Variants in ADAMTSL1 observed in about 807,000 individuals in gnomAD.
ADAMTSL1 encodes the protein ADAMTS-like protein 1.
In ADAMTSL1, 126 loss-of-function variants were observed where a neutral mutation model predicts 201.8. That is an observed-to-expected ratio of 0.62 (90% CI 0.54 to 0.72). ADAMTSL1 has a LOEUF of 0.72. Ranked by LOEUF, ADAMTSL1 falls within the 30% of genes least tolerant of loss-of-function variation. The probability of loss-of-function intolerance (pLI) is 0.00; values close to 1 mark genes in which losing one functional copy is unlikely to be tolerated. For synonymous variants in ADAMTSL1, 1,121 were observed against 903.4 expected, an observed-to-expected ratio of 1.24 and a Z score of -4.32; for missense variants, 2,679 against 2,277.8, an observed-to-expected ratio of 1.18 and a Z score of -3.59.
chr9:18,289,176 C>CTAT (rs1563861628), intron 2 of ADAMTSL1, among the ~76,000 whole-genome samples: 37 of 43,214 alleles, frequency 8.6e-4, no homozygotes, highest in African/African-American at 2.5e-3. Flanking sequence ...TATCTATCTA[C>CTAT]CTACCTATCT....
intron 2 of ADAMTSL1, among the ~76,000 whole-genome samples, chr9:18,254,405 C>T (rs1831592962): frequency 8.2e-6 from 1 of 121,382 alleles, no homozygotes. Context: ...CTCTGTCCCC[C>T]AGGCTGGAGT....
chr9:18,750,630 A>C (rs1819417913), intron 15 of ADAMTSL1, among the ~76,000 whole-genome samples: 1 of 152,146 alleles, frequency 6.6e-6, no homozygotes. Context: ...AGAGGTATAT[A>C]CTTGTATTTG....
intron 2 of ADAMTSL1, among the ~76,000 whole-genome samples, chr9:18,250,390 G>C (rs1243211634): frequency 2.0e-5 from 3 of 152,166 alleles, no homozygotes; most frequent in East Asian, 1.9e-4. Flanking sequence ...ATATCTGGAG[G>C]GGTACCAGTG....
rs775254072 is a variant in ADAMTSL1, at chr9:18,681,934, A to G, written c.1464A>G (p.Val488=). 2.7e-5 allele frequency: 43 copies of G among 1,614,046 alleles called. No homozygotes were observed. Among genetic ancestry groups the G allele is most frequent in the Non-Finnish European group, 3.6e-5 (42 of 1,180,014 alleles). The change falls in exon 12 of 29, where the codon GTA becomes GTG. Residue 488 remains valine (V), a synonymous_variant. Coordinates refer to ENST00000380548, the MANE Select transcript of ADAMTSL1 (RefSeq NM_001040272.6). The part of the protein sequence containing the change: ...TKPHIKEECI[V]PTPCYKPKEK... ...CCCACATAAAAGAGGAATGCATCGT[A>G]CCCACTCCCTGCTATAAACCCAAAG...
At chr9:18,264,904 GC>G (rs1223031895) in intron 2 of ADAMTSL1, among the ~76,000 whole-genome samples, 3 of 152,144 alleles carry the variant, frequency 2.0e-5, no homozygotes, top group African/African-American at 7.2e-5. Context: ...ACCTTGCCAA[GC>G]CTTCATTTCT....
chr9:18,903,518 C>T (rs1048380083), intron 26 of ADAMTSL1, among the ~76,000 whole-genome samples: 10 of 152,180 alleles, frequency 6.6e-5, no homozygotes, highest in Non-Finnish European at 1.0e-4. Flanking sequence ...TATTTCTTCA[C>T]GTGTATACAG....
chr9:18,561,286 T>C (rs1016145761), intron 3 of ADAMTSL1, among the ~76,000 whole-genome samples: 5 of 152,368 alleles, frequency 3.3e-5, no homozygotes, highest in Middle Eastern at 3.4e-3. Context: ...AATTTCATTA[T>C]TTACCCAGTA....
At chr9:18,661,082 C>A (rs894519349) in intron 8 of ADAMTSL1, among the ~76,000 whole-genome samples, 1 of 152,074 alleles carries the variant, frequency 6.6e-6, no homozygotes, top group Non-Finnish European at 1.5e-5. Context: ...TTATTTTTCA[C>A]CCCGAGAATC....
At chr9:18,647,455 T>G (rs556317540) in intron 7 of ADAMTSL1, among the ~76,000 whole-genome samples, 1 of 152,288 alleles carries the variant, frequency 6.6e-6, no homozygotes. Context: ...CTCTTGCTTT[T>G]CTAGTTCTTT....
chr9:18,869,383 A>G (rs1294494918), intron 23 of ADAMTSL1, among the ~76,000 whole-genome samples: 1 of 152,230 alleles, frequency 6.6e-6, no homozygotes, highest in African/African-American at 2.4e-5. Flanking sequence ...CTCCAGGGAA[A>G]TTGCAGAGCT....
At chr9:18,705,434 G>A (rs751016118) in intron 13 of ADAMTSL1, among the ~76,000 whole-genome samples, 3 of 152,074 alleles carry the variant, frequency 2.0e-5, no homozygotes, top group South Asian at 2.1e-4. Flanking sequence ...TTATGGCCAC[G>A]GTTGATTAAT....
intron 16 of ADAMTSL1, among the ~76,000 whole-genome samples, chr9:18,769,928 G>A (rs1820592379): frequency 6.6e-6 from 1 of 152,176 alleles, no homozygotes; most frequent in African/African-American, 2.4e-5. Flanking sequence ...CCCACTTCAT[G>A]CCCCTGGATC....
chr9:18,816,720 CTTTTTTTTTTTTTTTTT>C (rs751791974), intron 20 of ADAMTSL1, among the ~76,000 whole-genome samples: 4 of 39,720 alleles, frequency 1.0e-4, no homozygotes, highest in African/African-American at 2.1e-4. Context: ...AACCCTTGGT[CTTTTTTTTTTTTTTTTT>C]TTTTTTTTTT....
At chr9:18,815,048 C>G (rs1186241219) in intron 20 of ADAMTSL1, among the ~76,000 whole-genome samples, 2 of 151,946 alleles carry the variant, frequency 1.3e-5, no homozygotes, top group Non-Finnish European at 2.9e-5. Flanking sequence ...ATCAAAAAGA[C>G]AAAAAATAGC....
intron 3 of ADAMTSL1, among the ~76,000 whole-genome samples, chr9:18,538,162 T>C (rs909203305): frequency 2.0e-5 from 3 of 152,042 alleles, no homozygotes; most frequent in African/African-American, 7.2e-5. Flanking sequence ...GGGGGATCAT[T>C]GCGGTAGTTC....
At chr9:18,686,659 T>A (rs1050560855) in intron 13 of ADAMTSL1, among the ~76,000 whole-genome samples, 1 of 152,236 alleles carries the variant, frequency 6.6e-6, no homozygotes, top group African/African-American at 2.4e-5. Context: ...CTGTATTTTG[T>A]CACTTGGACT....
At chr9:18,099,346 T>G (rs1290341688) in intron 1 of ADAMTSL1, among the ~76,000 whole-genome samples, 1 of 49,504 alleles carries the variant, frequency 2.0e-5, no homozygotes, top group African/African-American at 7.1e-5. Context: ...TATATATATA[T>G]ATATATATAT....
intron 1 of ADAMTSL1, among the ~76,000 whole-genome samples, chr9:18,030,179 A>C (rs1820884622): frequency 6.6e-6 from 1 of 152,268 alleles, no homozygotes; most frequent in Admixed American, 6.5e-5. Context: ...CGGATTAAGA[A>C]AATGTGGCAC....
chr9:18,298,673 T>TAA (rs11387134), intron 2 of ADAMTSL1, among the ~76,000 whole-genome samples: 196 of 138,736 alleles, frequency 1.4e-3, no homozygotes, highest in African/African-American at 4.5e-3. Context: ...TTTAACAAGT[T>TAA]AAAAAAAAAA....
Sources: gnomAD v4.1 joint callset for allele counts (sites outside exome capture counted in the v4.1 genomes callset) on GRCh38, gnomAD v4.1.1 for gene constraint, MANE v1.5 for transcripts, NCBI Gene and HGNC (gene_info 2026-07-23, HGNC 2026-07-21) for gene names.